Variants in ATP6V1E2 observed in about 807,000 individuals in gnomAD.
The protein encoded by ATP6V1E2 is V-type proton ATPase subunit E 2.
For missense variants in ATP6V1E2, 308 were observed against 273.3 expected (o/e 1.13, Z -0.90); for synonymous variants, 121 against 104.2 (o/e 1.16, Z -0.98).
At chr2:46,524,080 T>C (rs1227233751) in intron 4 of ATP6V1E2, among the ~76,000 whole-genome samples, 1 of 151,140 alleles carries the variant, frequency 6.6e-6, no homozygotes, top group Non-Finnish European at 1.5e-5. Flanking sequence ...ACATTGATTT[T>C]GTATCCTGAG....
intron 4 of ATP6V1E2, among the ~76,000 whole-genome samples, chr2:46,529,038 T>C (rs1022415519): frequency 1.3e-5 from 2 of 151,988 alleles, no homozygotes; most frequent in Non-Finnish European, 2.9e-5. Context: ...GGGCCAAGGG[T>C]AGGTATGAAG....
At chr2:46,522,056 A>G (rs1666661512) in intron 4 of ATP6V1E2, among the ~76,000 whole-genome samples, 1 of 152,004 alleles carries the variant, frequency 6.6e-6, no homozygotes, top group Admixed American at 6.6e-5. Flanking sequence ...ACATTTTGGG[A>G]GGCAGAGGTA....
intron 4 of ATP6V1E2, chr2:46,534,364 T>G (rs1667338719): frequency 6.6e-6 from 1 of 152,214 alleles, no homozygotes; most frequent in East Asian, 1.9e-4. Flanking sequence ...GGTGTTGTAT[T>G]TTTTAGCTCC....
At chr2:46,531,824 T>A (rs568203622) in intron 4 of ATP6V1E2, among the ~76,000 whole-genome samples, 6 of 152,352 alleles carry the variant, frequency 3.9e-5, no homozygotes, top group African/African-American at 1.4e-4. Context: ...GTTGGTGATT[T>A]ATATCTTGTT....
At position 46,530,808 on chromosome 2, in the gene ATP6V1E2, T is replaced by G. The variant is rs1156808786; in HGVS notation, c.-102+5005A>C. 6.6e-6 allele frequency among the ~76,000 whole-genome samples: 1 copy of G among 152,208 alleles called. No individual in the cohort carries two copies. Among genetic ancestry groups the G allele is most frequent in the Admixed American group, 6.5e-5 (1 of 15,280 alleles). On this transcript the variant is annotated intron_variant, in intron 4 of 4. Transcript: ENST00000522587. The surrounding 1 kb of genome is among the most constrained non-coding windows in gnomAD (Gnocchi z 5.2). Reference sequence around the variant, plus strand: ...ATGGCAGCAGGCAAGAGAAAGCTTGTACAGGGGAACTCCCCTTTGTAAAAC... The same window carrying G: ...ATGGCAGCAGGCAAGAGAAAGCTTGGACAGGGGAACTCCCCTTTGTAAAAC...
At chr2:46,539,126 G>A (rs1270912652) in intron 2 of ATP6V1E2, among the ~76,000 whole-genome samples, 1 of 152,028 alleles carries the variant, frequency 6.6e-6, no homozygotes, top group South Asian at 2.1e-4. Flanking sequence ...TTTAGCAGAA[G>A]CAAATGGTGC....
At chr2:46,522,239 G>A (rs1666673133) in intron 4 of ATP6V1E2, among the ~76,000 whole-genome samples, 1 of 150,220 alleles carries the variant, frequency 6.7e-6, no homozygotes, top group Non-Finnish European at 1.5e-5. Flanking sequence ...AACCAAGACC[G>A]TGCCATTGCA....
chr2:46,529,692 G>A (rs145704277), intron 4 of ATP6V1E2, among the ~76,000 whole-genome samples: 6 of 152,290 alleles, frequency 3.9e-5, no homozygotes, highest in African/African-American at 1.4e-4. Context: ...GGCATTTGAG[G>A]CTGCAGTGAG....
chr2:46,518,761 TGTG>T, intron 4 of ATP6V1E2, among the ~76,000 whole-genome samples: 1 of 17,632 alleles, frequency 5.7e-5, no homozygotes, highest in South Asian at 5.2e-3. Flanking sequence ...GTCAATTTTG[TGTG>T]TGTGTGTGTG....
intron 4 of ATP6V1E2, among the ~76,000 whole-genome samples, chr2:46,518,490 A>ACACACACACACAC (rs1471974728): frequency 1.4e-5 from 2 of 140,912 alleles, no homozygotes; most frequent in Non-Finnish European, 3.1e-5. Flanking sequence ...ACACACACAC[A>ACACACACACACAC]ACACACACAC....
intron 4 of ATP6V1E2, among the ~76,000 whole-genome samples, chr2:46,522,739 CT>C (rs1316139006): frequency 6.6e-6 from 1 of 152,164 alleles, no homozygotes; most frequent in Non-Finnish European, 1.5e-5. Flanking sequence ...GATTTATAAT[CT>C]TTTGGGTATA....
intron 4 of ATP6V1E2, chr2:46,519,001 G>A (rs1666465627): frequency 6.6e-6 from 1 of 152,288 alleles, no homozygotes; most frequent in Non-Finnish European, 1.5e-5. Context: ...CACACAGAAT[G>A]TGGAACTTGG....
Position 46,512,504 on chromosome 2 carries a change from T to C in ATP6V1E2, c.208A>G (p.Ile70Val). Residue 70 changes from isoleucine (I) to valine (V), a missense_variant, in exon 5 of 5, where the codon ATC becomes GTC. Coordinates refer to ENST00000522587, the MANE Select transcript of ATP6V1E2 (RefSeq NM_001318063.2). ...TGATTCCTCATGGTGGACATCAGGA[T>C]TTTCTTCTGCTGCTCTATCTGCTTC... is the stretch of plus-strand genomic sequence containing the variant. ...KEKQIEQQKK[I>V]LMSTMRNQAR... The C allele has an allele frequency of 2.5e-6, 4 of 1,614,198 alleles. No individual in the cohort carries two copies. The highest frequency in any genetic ancestry group is 2.5e-6 in the Non-Finnish European group (3 of 1,180,036).
rs1276161486 is a variant in ATP6V1E2 at position 46,530,413 on chromosome 2, C to T, written c.-102+5400G>A. On this transcript the variant is annotated intron_variant, in intron 4 of 4. Transcript: ENST00000522587. This position sits in a 1 kb window ranked among gnomAD's most constrained non-coding sequence, Gnocchi z 5.2. ...AAGAACCATCATCCTCCTCCCTTCTCCAATATTCATTTCAGAGGTCAAACA... is the reference window on the plus strand; with the variant it reads ...AAGAACCATCATCCTCCTCCCTTCTTCAATATTCATTTCAGAGGTCAAACA... 6.6e-6 allele frequency among the ~76,000 whole-genome samples: 1 copy of T among 152,206 alleles called. No individual in the cohort carries two copies. Among genetic ancestry groups the T allele is most frequent in the Non-Finnish European group, 1.5e-5 (1 of 68,036 alleles).
In ATP6V1E2 at chr2:46,512,516, G is replaced by A. The variant is rs1687512933; in HGVS notation, c.196C>T (p.Gln66Ter). 1 of 1,614,030 alleles carries A rather than the reference G, an allele frequency of 6.2e-7. No individual in the cohort carries two copies. Among genetic ancestry groups the A allele is most frequent in the Admixed American group, 1.7e-5 (1 of 59,998 alleles). ...YYEKKEKQIE[Q>*]QKKILMSTMR... ...GTGGACATCAGGATTTTCTTCTGCT[G>A]CTCTATCTGCTTCTCCTTTTTCTCA... is the stretch of plus-strand genomic sequence containing the variant. Residue 66 changes from glutamine to a stop codon, truncating the protein, a stop_gained, in exon 5 of 5, where the codon CAG becomes TAG. Coordinates refer to ENST00000522587, the MANE Select transcript of ATP6V1E2 (RefSeq NM_001318063.2). LOFTEE classifies it low-confidence loss of function (END_TRUNC).
Position 46,533,203 on chromosome 2 carries a change from GTAGATAGATAGATAGATAGATAGA to G in ATP6V1E2, c.-102+2586_-102+2609del, listed in dbSNP as rs72186652. On this transcript the variant is annotated intron_variant, in intron 4 of 4. Coordinates refer to ENST00000522587, the MANE Select transcript of ATP6V1E2 (RefSeq NM_001318063.2). ...TCATATATAGTGTGTGCATGTATGT[GTAGATAGATAGATAGATAGATAGA>G]TAGATAGATAGATAGATAGATAGAT... Among the ~76,000 whole-genome samples the G allele has an allele frequency of 3.2e-4, 47 of 148,288 alleles. 1 individual carries two copies. The highest frequency in any genetic ancestry group is 6.1e-4 in the Admixed American group (9 of 14,794).
chr2:46,527,384 G>A (rs910438224), intron 4 of ATP6V1E2, among the ~76,000 whole-genome samples: 5 of 152,082 alleles, frequency 3.3e-5, no homozygotes, highest in South Asian at 4.2e-4. Flanking sequence ...ACCATGCCCG[G>A]CTAATTTTTT....
At chr2:46,529,374 A>C (rs1443659624) in intron 4 of ATP6V1E2, among the ~76,000 whole-genome samples, 1 of 152,206 alleles carries the variant, frequency 6.6e-6, no homozygotes, top group East Asian at 1.9e-4. Context: ...GGGCTTCCTC[A>C]GTGATCTTCT....
At chr2:46,512,922 G>T in intron 4 of ATP6V1E2, 110 bp from the exon 5 acceptor site, 1 of 522,546 alleles carries the variant, frequency 1.9e-6, no homozygotes, top group East Asian at 3.2e-5. Flanking sequence ...GAGGTCCAGA[G>T]AAGGAACACA....
Sources: gnomAD v4.1 joint callset for allele counts (sites outside exome capture counted in the v4.1 genomes callset) on GRCh38, gnomAD v4.1.1 for gene constraint, Gnocchi (gnomAD v3.1) non-coding constraint, MANE v1.5 for transcripts, NCBI Gene and HGNC (gene_info 2026-07-23, HGNC 2026-07-21) for gene names.